The following ADGRL2 variants were observed in gnomAD, a reference collection of about 807,000 sequenced individuals.
The protein encoded by ADGRL2 is calcium-independent alpha-latrotoxin receptor 2.
ADGRL2 carries 44 observed loss-of-function variants against 157.4 expected under a neutral mutation model. The observed-to-expected ratio is 0.28, with a 90% CI of 0.22 to 0.36. The LOEUF (loss-of-function observed/expected upper bound fraction) is 0.36, where lower values mean the gene tolerates loss of function less well. ADGRL2 is among the 10% of genes least tolerant of loss of function. The probability of loss-of-function intolerance (pLI) is 1.00; values close to 1 mark genes in which losing one functional copy is unlikely to be tolerated. For missense variants in ADGRL2, 1,510 were observed against 1,768.9 expected, an observed-to-expected ratio of 0.85 and a Z score of 2.63; for synonymous variants, 585 against 624.7, an observed-to-expected ratio of 0.94 and a Z score of 0.95.
chr1:81,560,309 G>T (rs749614417), intron 2 of ADGRL2, among the ~76,000 whole-genome samples: 1 of 152,168 alleles, frequency 6.6e-6, no homozygotes, highest in South Asian at 2.1e-4. Context: ...CTGTCTGTAT[G>T]TCTTGAATGA....
chr1:81,445,570 C>T (rs954659673), intron 2 of ADGRL2, among the ~76,000 whole-genome samples: 156 of 152,114 alleles, frequency 1.0e-3, no homozygotes, highest in African/African-American at 3.5e-3. Flanking sequence ...TTAGAGAGGA[C>T]GGCCTCATAT....
intron 1 of ADGRL2, among the ~76,000 whole-genome samples, chr1:81,747,493 G>A (rs893266095): frequency 6.6e-6 from 1 of 151,586 alleles, no homozygotes. Flanking sequence ...GTAGAGACGG[G>A]GTTTCATCAT....
At chr1:81,987,137 C>T (rs1210719207) in intron 22 of ADGRL2, 108 bp downstream of exon 22, 2 of 1,412,070 alleles carry the variant, frequency 1.4e-6, no homozygotes, top group Admixed American at 2.4e-5. Context: ...TTGTTACATT[C>T]TTAATTTCTC....
At chr1:81,868,585 G>A (rs1278861596) in intron 2 of ADGRL2, among the ~76,000 whole-genome samples, 2 of 151,764 alleles carry the variant, frequency 1.3e-5, no homozygotes, top group East Asian at 3.9e-4. Flanking sequence ...TAGTTTCTTT[G>A]CCTAGGATCG....
At chr1:81,561,623 G>A (rs541903824) in intron 2 of ADGRL2, among the ~76,000 whole-genome samples, 1 of 151,876 alleles carries the variant, frequency 6.6e-6, no homozygotes, top group South Asian at 2.1e-4. Context: ...ATCATGCCCG[G>A]CTAATTTTTG....
chr1:81,590,596 G>C (rs888891318), intron 3 of ADGRL2, among the ~76,000 whole-genome samples: 2 of 151,978 alleles, frequency 1.3e-5, no homozygotes, highest in Non-Finnish European at 2.9e-5. Flanking sequence ...CCACAATGTT[G>C]GAATCTCTCT....
chr1:81,539,864 GCAGA>G (rs1001947865), intron 2 of ADGRL2, among the ~76,000 whole-genome samples: 1 of 150,028 alleles, frequency 6.7e-6, no homozygotes, highest in Non-Finnish European at 1.5e-5. Flanking sequence ...AATCCCAAAA[GCAGA>G]CAGACAATTT....
intron 1 of ADGRL2, among the ~76,000 whole-genome samples, chr1:81,736,051 G>A (rs2084888203): frequency 6.6e-6 from 1 of 150,924 alleles, no homozygotes; most frequent in Non-Finnish European, 1.5e-5. Context: ...GCTGAGGCAG[G>A]AGAATGGCAT....
intron 2 of ADGRL2, among the ~76,000 whole-genome samples, chr1:81,841,427 A>T (rs1212454154): frequency 1.3e-5 from 2 of 151,992 alleles, no homozygotes; most frequent in Non-Finnish European, 2.9e-5. Flanking sequence ...GGGTAGAAGA[A>T]AAAAAGGCAG....
At chr1:81,833,283 T>C (rs2092075902) in intron 1 of ADGRL2, among the ~76,000 whole-genome samples, 1 of 152,216 alleles carries the variant, frequency 6.6e-6, no homozygotes. Context: ...TGGGTGACTT[T>C]GGTAGTTCTC....
intron 3 of ADGRL2, among the ~76,000 whole-genome samples, chr1:81,685,773 G>A (rs973416725): frequency 6.6e-6 from 1 of 152,150 alleles, no homozygotes; most frequent in Non-Finnish European, 1.5e-5. Flanking sequence ...CTGTGGGTTT[G>A]ACACAGATTG....
chr1:81,485,535 T>C (rs1407653667), intron 2 of ADGRL2, among the ~76,000 whole-genome samples: 1 of 152,196 alleles, frequency 6.6e-6, no homozygotes, highest in African/African-American at 2.4e-5. Context: ...ATGAATGGTA[T>C]TTCTGTGCCT....
In ADGRL2 at chr1:81,439,051, C is replaced by T. The variant is rs377486237; in HGVS notation, c.-301-5985C>T. Among the ~76,000 whole-genome samples, 37 of 152,230 alleles carry T rather than the reference C, an allele frequency of 2.4e-4. 1 individual carries two copies. The South Asian group carries it at 6.8e-3, about 28-fold the overall frequency. On this transcript the variant is annotated intron_variant, in intron 1 of 24. Transcript: ENST00000370721. ...AACTCCCTTTACCTGCCGTAAAACT[C>T]CCAGAGAACCTTTTGTACTTGTCAA...
chr1:81,548,340 T>C lies in ADGRL2; in HGVS notation c.-247-32536T>C, dbSNP rs533638219. On this transcript the variant is annotated intron_variant, in intron 2 of 24. Coordinates refer to the ADGRL2 transcript ENST00000370721. ...GCTGCTCCAGCATCTGCTGCATCAATATTACAGAATTCTAGTAGAAATTAC... is the reference window on the plus strand; with the variant it reads ...GCTGCTCCAGCATCTGCTGCATCAACATTACAGAATTCTAGTAGAAATTAC... Among the ~76,000 whole-genome samples the C allele has an allele frequency of 6.6e-5, 10 of 152,070 alleles. No homozygotes were observed. The South Asian group carries it at 1.7e-3, about 25-fold the overall frequency.
At chr1:81,946,207 T>A (rs1209976514) in intron 6 of ADGRL2, among the ~76,000 whole-genome samples, 4 of 151,898 alleles carry the variant, frequency 2.6e-5, no homozygotes, top group Non-Finnish European at 4.4e-5. Context: ...TATCCATTCG[T>A]TTTTTTTCAT....
At chr1:81,558,289 A>C (rs2080360082) in intron 2 of ADGRL2, among the ~76,000 whole-genome samples, 1 of 152,270 alleles carries the variant, frequency 6.6e-6, no homozygotes, top group Admixed American at 6.5e-5. Flanking sequence ...AAAGGAACTA[A>C]GAACAAATAT....
At chr1:81,924,007 T>C (rs1210451639) in intron 3 of ADGRL2, among the ~76,000 whole-genome samples, 1 of 152,186 alleles carries the variant, frequency 6.6e-6, no homozygotes, top group Non-Finnish European at 1.5e-5. Flanking sequence ...TGTGATTAAC[T>C]TCCAAATTAA....
chr1:81,630,292 G>A (rs1018950972), intron 3 of ADGRL2, among the ~76,000 whole-genome samples: 1 of 152,042 alleles, frequency 6.6e-6, no homozygotes, highest in African/African-American at 2.4e-5. Context: ...GCTCCCATCA[G>A]CCAAGAGCAA....
chr1:81,651,258 A>G (rs1464356059), intron 3 of ADGRL2, among the ~76,000 whole-genome samples: 3 of 152,112 alleles, frequency 2.0e-5, no homozygotes, highest in Non-Finnish European at 2.9e-5. Context: ...TCTACTAGTT[A>G]CAAGAATTAG....
Sources: allele counts gnomAD v4.1 joint callset (sites outside exome capture counted in the v4.1 genomes callset), GRCh38; gene constraint gnomAD v4.1.1; transcripts MANE v1.5; gene names NCBI Gene and HGNC (gene_info 2026-07-23, HGNC 2026-07-21).